The following DSCAML1 variants were observed in gnomAD, a reference collection of about 807,000 sequenced individuals.
DSCAML1 encodes DS cell adhesion molecule like 1.
DSCAML1 carries 38 observed loss-of-function variants against 200.5 expected under a neutral mutation model. The ratio of observed to expected loss-of-function variants is 0.19; its 90% CI spans 0.15 to 0.25. The LOEUF (loss-of-function observed/expected upper bound fraction) is 0.25. Ranked by LOEUF, DSCAML1 falls within the 10% of genes least tolerant of loss-of-function variation. DSCAML1 has a pLI of 1.00. For synonymous variants in DSCAML1, 1,215 were observed against 1,165.0 expected, an observed-to-expected ratio of 1.04 and a Z score of -0.87; for missense variants, 2,223 against 2,858.8, an observed-to-expected ratio of 0.78 and a Z score of 5.07.
chr11:117,677,498 G>A (rs2053236016), intron 3 of DSCAML1, among the ~76,000 whole-genome samples: 1 of 152,074 alleles, frequency 6.6e-6, no homozygotes, highest in African/African-American at 2.4e-5. Context: ...AGGGGAGGGT[G>A]CTGAGGAAGT....
At chr11:117,798,617 C>A (rs1426459375), upstream of DSCAML1, among the ~76,000 whole-genome samples, 1 of 152,116 alleles carries the variant, frequency 6.6e-6, no homozygotes, top group East Asian at 1.9e-4. Context: ...TCCCCCTTCC[C>A]CTCCCCTCCC....
At chr11:117,600,945 G>T (rs2051453939) in intron 3 of DSCAML1, among the ~76,000 whole-genome samples, 2 of 152,174 alleles carry the variant, frequency 1.3e-5, no homozygotes, top group South Asian at 4.2e-4. Flanking sequence ...GAAGAGTCTT[G>T]GGAGGGCCCT....
intron 3 of DSCAML1, among the ~76,000 whole-genome samples, chr11:117,592,577 C>T (rs1347433299): frequency 6.6e-6 from 1 of 152,148 alleles, no homozygotes; most frequent in Non-Finnish European, 1.5e-5. Flanking sequence ...GCTGAGGCAG[C>T]GCTAGGCTCA....
At position 117,503,972 on chromosome 11, in the gene DSCAML1, G is replaced by C; in HGVS notation, c.2232C>G (p.Ile744Met). Residue 744 changes from isoleucine to methionine, a missense_variant, in exon 11 of 33, where the codon ATC (isoleucine) becomes ATG (methionine). Coordinates refer to ENST00000651296, the MANE Select transcript of DSCAML1 (RefSeq NM_020693.4). The surrounding 1 kb of genome is among the most constrained non-coding windows in gnomAD (Gnocchi z 5.2). Reference sequence around the variant, plus strand: ...GCAGCGAGCTGTTGGGCAGGATCTGGATGCGGCCAGTGAGGGGCACAGGGT... The same window carrying C: ...GCAGCGAGCTGTTGGGCAGGATCTGCATGCGGCCAGTGAGGGGCACAGGGT... The part of the protein sequence containing the change: ...QYHPVPLTGR[I>M]QILPNSSLLI... 6.2e-7 allele frequency: 1 copy of C among 1,614,186 alleles called. No individual in the cohort carries two copies. The highest frequency in any genetic ancestry group is 8.5e-7 in the Non-Finnish European group (1 of 1,180,018).
At chr11:117,613,828 G>A (rs1318957234) in intron 3 of DSCAML1, among the ~76,000 whole-genome samples, 1 of 152,156 alleles carries the variant, frequency 6.6e-6, no homozygotes, top group Non-Finnish European at 1.5e-5. Flanking sequence ...TGGGGGTGTG[G>A]GAGCAGACCC....
chr11:117,668,526 C>G (rs2053028392), intron 3 of DSCAML1: 1 of 152,260 alleles, frequency 6.6e-6, no homozygotes, highest in African/African-American at 2.4e-5. Context: ...CAGCGGGTAC[C>G]TGGGAGGCTG....
At chr11:117,784,065 G>A (rs1323573472) in intron 1 of DSCAML1, among the ~76,000 whole-genome samples, 1 of 152,192 alleles carries the variant, frequency 6.6e-6, no homozygotes, top group East Asian at 1.9e-4. Flanking sequence ...AATTGACTGG[G>A]ATTGTCCAGC....
At chr11:117,729,926 C>T (rs1170902075) in intron 3 of DSCAML1, among the ~76,000 whole-genome samples, 7 of 152,324 alleles carry the variant, frequency 4.6e-5, no homozygotes, top group East Asian at 1.9e-4. Context: ...TCAGGCCGGG[C>T]GCAGTGGCTC....
intron 3 of DSCAML1, among the ~76,000 whole-genome samples, chr11:117,686,144 C>T (rs1226765114): frequency 6.6e-6 from 1 of 152,192 alleles, no homozygotes; most frequent in East Asian, 1.9e-4. Context: ...CATGGGCTGA[C>T]ATGGTTGAGC....
chr11:117,486,375 T>G (rs1461578641), intron 11 of DSCAML1, among the ~76,000 whole-genome samples: 9 of 143,716 alleles, frequency 6.3e-5, no homozygotes, highest in African/African-American at 1.9e-4. Flanking sequence ...GTGGCTGATG[T>G]GAAAATGGCG....
intron 3 of DSCAML1, among the ~76,000 whole-genome samples, chr11:117,581,583 T>C (rs1171053083): frequency 2.6e-5 from 4 of 152,182 alleles, no homozygotes; most frequent in Non-Finnish European, 4.4e-5. Context: ...TTCTTTCACT[T>C]AGTACAATGC....
intron 8 of DSCAML1, among the ~76,000 whole-genome samples, chr11:117,507,568 T>G (rs1397642447): frequency 3.3e-5 from 5 of 152,186 alleles, no homozygotes; most frequent in African/African-American, 1.2e-4. Flanking sequence ...GTGGCCTCTG[T>G]GACCGTCAGT....
chr11:117,720,453 G>A (rs1288841030), intron 3 of DSCAML1, among the ~76,000 whole-genome samples: 5 of 151,862 alleles, frequency 3.3e-5, no homozygotes, highest in African/African-American at 7.3e-5. Context: ...CATGAGAGGC[G>A]AGCCCCAGCC....
intron 11 of DSCAML1, among the ~76,000 whole-genome samples, chr11:117,502,496 T>A (rs576818445): frequency 1.3e-5 from 2 of 152,162 alleles, no homozygotes; most frequent in Non-Finnish European, 2.9e-5. Context: ...TTTTTGATAG[T>A]GTGAGGGAAG....
At chr11:117,691,071 G>C (rs1353274824) in intron 3 of DSCAML1, among the ~76,000 whole-genome samples, 1 of 152,202 alleles carries the variant, frequency 6.6e-6, no homozygotes, top group Non-Finnish European at 1.5e-5. Flanking sequence ...TTTTATGAGG[G>C]AGGAAACACA....
intron 7 of DSCAML1, among the ~76,000 whole-genome samples, chr11:117,517,345 C>G (rs1180697066): frequency 6.6e-6 from 1 of 152,100 alleles, no homozygotes; most frequent in African/African-American, 2.4e-5. Context: ...CTGGGCTAGG[C>G]TTGCTGGGCA....
chr11:117,771,200 T>C (rs2055033563), intron 3 of DSCAML1, among the ~76,000 whole-genome samples: 1 of 128,858 alleles, frequency 7.8e-6, no homozygotes, highest in Non-Finnish European at 1.7e-5. Context: ...GAAGTGACCT[T>C]CATGTCAGCC....
Position 117,646,145 on chromosome 11 carries a change from T to G in DSCAML1, c.512-113623A>C, listed in dbSNP as rs73592619. The stretch of plus-strand genomic sequence containing the variant: ...TTTTTAGACCTTGGAAGACTCCATT[T>G]AAATACATTCAAAGTCAGAAAAAAA... On this transcript the variant is annotated intron_variant, in intron 3 of 32. Coordinates refer to ENST00000651296, the MANE Select transcript of DSCAML1 (RefSeq NM_020693.4). Among the ~76,000 whole-genome samples, 603 of 133,940 alleles carry G rather than the reference T, an allele frequency of 4.5e-3. 5 individuals are homozygous for G. Among genetic ancestry groups the G allele is most frequent in the African/African-American group, 0.014 (568 of 40,972 alleles). 87.9% of individuals were successfully genotyped at this position (133,940 alleles called of 152,430 possible).
chr11:117,629,775 G>T (rs972660045), intron 3 of DSCAML1, among the ~76,000 whole-genome samples: 1 of 152,168 alleles, frequency 6.6e-6, no homozygotes, highest in Non-Finnish European at 1.5e-5. Flanking sequence ...GGTGGAAGGA[G>T]TGTGTAAGGC....
Sources: gnomAD v4.1 joint callset for allele counts (sites outside exome capture counted in the v4.1 genomes callset) on GRCh38, gnomAD v4.1.1 for gene constraint, Gnocchi (gnomAD v3.1) non-coding constraint, MANE v1.5 for transcripts, NCBI Gene and HGNC (gene_info 2026-07-23, HGNC 2026-07-21) for gene names.